The following SEMA4G variants were observed in gnomAD, a reference collection of about 807,000 sequenced individuals.
The protein encoded by SEMA4G is semaphorin-4G.
Under a neutral mutation model 81.2 loss-of-function variants are expected in SEMA4G, and 59 were observed. That is an observed-to-expected ratio of 0.73 (90% confidence interval 0.59 to 0.90). The LOEUF is 0.90. Ranked by LOEUF, SEMA4G falls within the 40% of genes least tolerant of loss-of-function variation. The probability of loss-of-function intolerance (pLI) is 0.00; values close to 1 mark genes in which losing one functional copy is unlikely to be tolerated. For missense variants in SEMA4G, 952 were observed against 1,102.3 expected, an observed-to-expected ratio of 0.86 and a Z score of 1.93; for synonymous variants, 404 against 433.9, an observed-to-expected ratio of 0.93 and a Z score of 0.86.
At chr10:100,981,255 C>T (rs1470597256) in intron 13 of SEMA4G, 26 bp downstream of exon 14, 2 of 1,612,190 alleles carry the variant, frequency 1.2e-6, no homozygotes, top group Non-Finnish European at 1.7e-6. Context: ...GAGTGTGGGT[C>T]TAGCTACGCA....
exon 8 of SEMA4G, chr10:100,979,172 A>G (rs777213392): frequency 6.2e-7 from 1 of 1,614,232 alleles, no homozygotes; most frequent in Non-Finnish European, 8.5e-7. Context: ...CTCATCTGCC[A>G]CATTCCACTG....
exon 9 of SEMA4G, chr10:100,979,872 C>G: frequency 1.9e-6 from 3 of 1,613,994 alleles, no homozygotes; most frequent in Non-Finnish European, 2.5e-6. Flanking sequence ...CCTCAGCCAT[C>G]TGCCGCTATG....
upstream of SEMA4G, among the ~76,000 whole-genome samples, chr10:100,970,966 T>G (rs1362622484): frequency 6.6e-6 from 1 of 152,202 alleles, no homozygotes. Context: ...GCTGAATGGA[T>G]GGGCATGTAA....
chr10:100,978,108 AACAT>A (rs1850880182), intron 4 of SEMA4G, 183 bp from the exon 6 acceptor site: 6 of 594,210 alleles, frequency 1.0e-5, no homozygotes, highest in South Asian at 1.0e-4. Context: ...TGGAACTCCA[AACAT>A]ACATTGTTTT....
At chr10:100,976,801 C>T (rs1274332468) in intron 3 of SEMA4G, among the ~76,000 whole-genome samples, 2 of 152,160 alleles carry the variant, frequency 1.3e-5, no homozygotes, top group Non-Finnish European at 2.9e-5. Context: ...CCCCTTTGTA[C>T]TTTCTAAGTT....
At chr10:100,974,936 ACT>A (rs1403536685) in intron 3 of SEMA4G, 4 of 477,712 alleles carry the variant, frequency 8.4e-6, no homozygotes, top group South Asian at 6.3e-5. Flanking sequence ...ATATAATGAG[ACT>A]CTATCTCTAA....
chr10:100,978,342 G>T, exon 5 of SEMA4G: 1 of 1,613,782 alleles, frequency 6.2e-7, no homozygotes, highest in Non-Finnish European at 8.5e-7. Context: ...AGGGGAAGGA[G>T]AAGTGTCCTT....
chr10:100,974,191 G>A (rs189467250), intron 3 of SEMA4G, among the ~76,000 whole-genome samples: 12 of 152,132 alleles, frequency 7.9e-5, no homozygotes, highest in Admixed American at 3.3e-4. Context: ...TAGGCTGAAC[G>A]CGGTGGCTCA....
chr10:100,977,860 G>A lies in SEMA4G; in HGVS notation c.435+130G>A, dbSNP rs1233238135. ...GTTTATTAAGGGGACTTCCATACAG[G>A]GCACTCCAGTGGCGGCGGGCTGCAC... On this transcript the variant is annotated intron_variant, in intron 4 of 13. Transcript: ENST00000370250. 3 of 764,778 alleles carry A rather than the reference G, an allele frequency of 3.9e-6. No homozygotes were observed. The African/African-American group carries it at 5.2e-5, about 13-fold the overall frequency. 47.4% of individuals were successfully genotyped at this position (764,778 alleles called of 1,614,324 possible). A position where few individuals can be genotyped will look rare whatever the true frequency, so the allele number is the denominator to read the frequency against.
intron 13 of SEMA4G, 89 bp from the exon 15 acceptor site, chr10:100,983,216 C>T: frequency 7.2e-7 from 1 of 1,392,550 alleles, no homozygotes; most frequent in South Asian, 1.5e-5. Context: ...GTGCTTGGTG[C>T]CAGGGACTTG....
At chr10:100,974,780 G>A (rs1340948071) in intron 3 of SEMA4G, among the ~76,000 whole-genome samples, 3 of 152,126 alleles carry the variant, frequency 2.0e-5, no homozygotes, top group African/African-American at 7.2e-5. Flanking sequence ...TCCCATGTCT[G>A]GCTAGGTAAT....
At position 100,979,832 on chromosome 10, in the gene SEMA4G, C is replaced by T. The variant is rs1448587950; in HGVS notation, c.984-16C>T. The T allele has an allele frequency of 6.2e-7, 1 of 1,612,256 alleles. No individual in the cohort carries two copies. Among genetic ancestry groups the T allele is most frequent in the East Asian group, 2.2e-5 (1 of 44,882 alleles). On this transcript the variant is annotated splice_polypyrimidine_tract_variant and intron_variant, in intron 8 of 13. Transcript: ENST00000370250. Reference sequence around the variant, plus strand: ...CTCCATGTAACTCACCCCCCTTGCCCTATGTCCCATTCTAGGAAGACCCTG... The same window carrying T: ...CTCCATGTAACTCACCCCCCTTGCCTTATGTCCCATTCTAGGAAGACCCTG...
intron 8 of SEMA4G, 149 bp downstream of exon 9, chr10:100,979,420 G>A: frequency 1.3e-6 from 2 of 1,560,592 alleles, no homozygotes; most frequent in African/African-American, 1.4e-5. Context: ...GTCTTGCTCT[G>A]TTGCCAGGCT....
chr10:100,976,067 G>A (rs950831682), intron 3 of SEMA4G, among the ~76,000 whole-genome samples: 3 of 152,126 alleles, frequency 2.0e-5, no homozygotes, highest in African/African-American at 7.2e-5. Flanking sequence ...GCCTGAGCAG[G>A]CTTATGGAGA....
rs1589978867 is a variant in SEMA4G, at chr10:100,973,292, C to T, written c.273+15C>T. 1 of 1,611,620 alleles carries T rather than the reference C, an allele frequency of 6.2e-7. No homozygotes were observed. Among genetic ancestry groups the T allele is most frequent in the Non-Finnish European group, 8.5e-7 (1 of 1,179,996 alleles). ...CTCACAAAGAGGTCAGGCCCTGGAA[C>T]CTGGACCACCCAGAGGGTCTCTATG... On this transcript the variant is annotated intron_variant, in intron 2 of 13. Coordinates refer to ENST00000370250, the Ensembl canonical transcript of SEMA4G. The surrounding 1 kb of genome is among the most constrained non-coding windows in gnomAD (Gnocchi z 5.5).
rs762206045 is a variant in SEMA4G, at chr10:100,978,406, C to T, written c.529+18C>T. On this transcript the variant is annotated intron_variant, in intron 5 of 13. Coordinates refer to ENST00000370250, the Ensembl canonical transcript of SEMA4G. ...CATCATTGGTGAGCAGGCCTTCTTC[C>T]CTATCACAGACATGGTATTTTTAGG... 3 of 1,610,166 alleles carry T rather than the reference C, an allele frequency of 1.9e-6. No individual in the cohort carries two copies. The highest frequency in any genetic ancestry group is 2.7e-5 in the African/African-American group (2 of 74,838).
At chr10:100,983,502 T>C in exon 14 of SEMA4G, 1 of 1,614,184 alleles carries the variant, frequency 6.2e-7, no homozygotes, top group Non-Finnish European at 8.5e-7. Context: ...CAGTGGCAAC[T>C]ATGGCTGCTA....
Position 100,981,284 on chromosome 10 carries a change from TTACTGCCATGTG to T in SEMA4G, c.1690+59_1690+70del, listed in dbSNP as rs1851059031. 8.7e-6 allele frequency: 14 copies of T among 1,602,078 alleles called. No homozygotes were observed. The South Asian group carries it at 1.5e-4, about 18-fold the overall frequency. On this transcript the variant is annotated intron_variant, in intron 13 of 13. Coordinates refer to ENST00000370250, the Ensembl canonical transcript of SEMA4G. ...CTACGCAGACTGTCCTCTTTGCCAT[TTACTGCCATGTG>T]TACGTATATGTTTGTATCTGAGTGG... is the stretch of plus-strand genomic sequence containing the variant.
intron 3 of SEMA4G, chr10:100,975,074 G>A: frequency 1.9e-6 from 1 of 529,108 alleles, no homozygotes; most frequent in South Asian, 1.4e-5. Context: ...TCTTGGTGCA[G>A]CACAGGTAGA....
Sources: allele counts gnomAD v4.1 joint callset (sites outside exome capture counted in the v4.1 genomes callset), GRCh38; gene constraint gnomAD v4.1.1; non-coding constraint Gnocchi (gnomAD v3.1); transcripts MANE v1.5; gene names NCBI Gene and HGNC (gene_info 2026-07-23, HGNC 2026-07-21).